Variants in CHD5 observed in about 807,000 individuals in gnomAD.
CHD5 encodes the protein chromodomain helicase DNA binding protein 5, also known as ATP-dependent chromatin remodeler CHD5.
In CHD5, 69 loss-of-function variants were observed where a neutral mutation model predicts 230.3. The observed-to-expected ratio is 0.30, with a 90% CI of 0.25 to 0.37. CHD5 has a LOEUF of 0.37. Ranked by LOEUF, CHD5 falls within the 10% of genes least tolerant of loss-of-function variation. The probability of loss-of-function intolerance (pLI) is 1.00; values close to 1 mark genes in which losing one functional copy is unlikely to be tolerated. For missense variants in CHD5, 1,827 were observed against 2,622.8 expected (o/e 0.70, Z 6.63); for synonymous variants, 1,064 against 1,065.9 (o/e 1.00, Z 0.03).
chr1:6,166,930 T>C (rs929281700), intron 2 of CHD5, among the ~76,000 whole-genome samples: 2 of 152,012 alleles, frequency 1.3e-5, no homozygotes, highest in Non-Finnish European at 2.9e-5. Context: ...CCCGAAACCC[T>C]CACAGCACGG....
At position 6,168,365 on chromosome 1, in the gene CHD5, G is replaced by A. The variant is rs1193597268; in HGVS notation, c.80-88C>T. On this transcript the variant is annotated intron_variant, in intron 1 of 41. Coordinates refer to ENST00000262450, the MANE Select transcript of CHD5 (RefSeq NM_015557.3). ...ACAGAGCCAGCCCTGGGGAAGCTGG[G>A]ACCCCCAGACACCCAACTGTGCCAG... is the stretch of plus-strand genomic sequence containing the variant. 2.1e-6 allele frequency: 3 copies of A among 1,454,142 alleles called. No individual in the cohort carries two copies. In the Admixed American group the frequency reaches 6.7e-5, roughly 32 times the overall value. 90.1% of individuals were successfully genotyped at this position (1,454,142 alleles called of 1,614,324 possible).
chr1:6,109,426 G>A lies in CHD5; in HGVS notation c.5578+369C>T, dbSNP rs1328725837. On this transcript the variant is annotated intron_variant, in intron 38 of 41. Coordinates refer to ENST00000262450, the MANE Select transcript of CHD5 (RefSeq NM_015557.3). ...GGGCAAACTACTTCCCTTCCCACAC[G>A]GGGCCAAGGAGAAGGCTCCAGGCTG... Among the ~76,000 whole-genome samples the A allele has an allele frequency of 2.0e-5, 3 of 152,304 alleles. No individual in the cohort carries two copies. The East Asian group carries it at 5.8e-4, about 29-fold the overall frequency.
At chr1:6,156,762 G>T (rs891077818) in intron 3 of CHD5, among the ~76,000 whole-genome samples, 8 of 152,006 alleles carry the variant, frequency 5.3e-5, no homozygotes, top group Non-Finnish European at 4.4e-5. Flanking sequence ...GCCCTGAGAG[G>T]ATCCAACTAC....
At position 6,154,951 on chromosome 1, in the gene CHD5, C is replaced by T. The variant is rs1262659900; in HGVS notation, c.507-53G>A. On this transcript the variant is annotated intron_variant, in intron 4 of 41. Coordinates refer to ENST00000262450, the MANE Select transcript of CHD5 (RefSeq NM_015557.3). The surrounding 1 kb of genome is among the most constrained non-coding windows in gnomAD (Gnocchi z 7.0). ...GGCAAGGCCAGGTGAGATGAGAGGC[C>T]CACCCGACCCCCGGCAGGGCCCACC... The T allele has an allele frequency of 4.6e-6, 7 of 1,508,266 alleles. No homozygotes were observed. The African/African-American group carries it at 6.9e-5, about 15-fold the overall frequency. The allele number at this position is 1,508,266 out of a possible 1,614,324, so 93.4% of individuals were successfully genotyped here.
Position 6,110,428 on chromosome 1 carries a change from T to A in CHD5, c.5348A>T (p.Glu1783Val). The A allele has an allele frequency of 6.2e-7, 1 of 1,614,054 alleles. No homozygotes were observed. The highest frequency in any genetic ancestry group is 8.5e-7 in the Non-Finnish European group (1 of 1,180,030). Residue 1783 changes from glutamate (E) to valine (V), a missense_variant, in exon 37 of 42, where the codon GAG (glutamate) becomes GTG (valine). Physicochemically the swap from Glu to Val is moderately radical, Grantham distance 121 (BLOSUM62 -2). Coordinates refer to ENST00000262450, the MANE Select transcript of CHD5 (RefSeq NM_015557.3). The part of the protein sequence containing the change: ...KSEVHKGNYL[E>V]MKNKFLARRF... ...GCGGGCCAGGAACTTGTTCTTCATC[T>A]CCAGGTAGTTGCCCTTGTGGACCTC...
rs996977321 is a variant in CHD5, at chr1:6,139,239, TG to T, written c.2437-2375del. Among the ~76,000 whole-genome samples the T allele has an allele frequency of 3.7e-4, 57 of 152,230 alleles. 1 individual carries two copies. The highest frequency in any genetic ancestry group is 1.3e-3 in the African/African-American group (56 of 41,522). ...TGTTCTGTTGTTGTTTTGTTGTTGTTGTTGTTGTTGTTTTGGTTTTTCTGAG... is the reference window on the plus strand; with the variant it reads ...TGTTCTGTTGTTGTTTTGTTGTTGTTTTGTTGTTGTTTTGGTTTTTCTGAG... On this transcript the variant is annotated intron_variant, in intron 15 of 41. Coordinates refer to ENST00000262450, the MANE Select transcript of CHD5 (RefSeq NM_015557.3).
At chr1:6,149,565 T>C (rs1468566255) in intron 7 of CHD5, among the ~76,000 whole-genome samples, 153 bp from the exon 8 acceptor site, 1 of 151,428 alleles carries the variant, frequency 6.6e-6, no homozygotes, top group Non-Finnish European at 1.5e-5. Context: ...GTTGAGGTGG[T>C]AAAAGGGTGA....
intron 37 of CHD5, 122 bp downstream of exon 37, chr1:6,110,272 T>C: frequency 8.7e-7 from 1 of 1,153,990 alleles, no homozygotes. Context: ...TGCTGCTTCG[T>C]GGCAGCGTGA....
rs111901695 is a variant in CHD5, at chr1:6,154,934, C to T, written c.507-36G>A. 5.3e-4 allele frequency: 848 copies of T among 1,590,440 alleles called. 6 individuals carry two copies. The African/African-American group carries it at 1.0e-2, about 19-fold the overall frequency. ...AGAGGCAGGAGGGTGAGGGCAAGGC[C>T]AGGTGAGATGAGAGGCCCACCCGAC... On this transcript the variant is annotated intron_variant, in intron 4 of 41. Transcript: ENST00000262450. This position sits in a 1 kb window ranked among gnomAD's most constrained non-coding sequence, Gnocchi z 7.0.
At chr1:6,170,215 TCAGA>T (rs1667315094) in intron 1 of CHD5, among the ~76,000 whole-genome samples, 1 of 152,018 alleles carries the variant, frequency 6.6e-6, no homozygotes, top group Non-Finnish European at 1.5e-5. Context: ...GCCCACACGC[TCAGA>T]CACACTCGCC....
chr1:6,151,434 A>G (rs147666833), intron 6 of CHD5, among the ~76,000 whole-genome samples: 1 of 152,302 alleles, frequency 6.6e-6, no homozygotes, highest in Non-Finnish European at 1.5e-5. Flanking sequence ...CCATCCTGCC[A>G]AACTCCTAAA....
rs1344630618 is a variant in CHD5, at chr1:6,155,846, G to C, written c.388-129C>G. 5 of 673,168 alleles carry C rather than the reference G, an allele frequency of 7.4e-6. No homozygotes were observed. Among genetic ancestry groups the C allele is most frequent in the African/African-American group, 1.8e-5 (1 of 55,442 alleles). The allele number at this position is 673,168 out of a possible 1,614,324, so 41.7% of individuals were successfully genotyped here. On this transcript the variant is annotated intron_variant, in intron 3 of 41. Transcript: ENST00000262450. The surrounding 1 kb of genome is among the most constrained non-coding windows in gnomAD (Gnocchi z 4.0). ...AGGGGTTGTGTCTGCAATGTAACCAGACCATTCTCACCCACCCTAGGAAAC... is the reference window on the plus strand; with the variant it reads ...AGGGGTTGTGTCTGCAATGTAACCACACCATTCTCACCCACCCTAGGAAAC...
intron 15 of CHD5, among the ~76,000 whole-genome samples, chr1:6,141,154 T>C (rs1023450482): frequency 3.3e-5 from 5 of 150,542 alleles, no homozygotes; most frequent in African/African-American, 7.3e-5. Context: ...CATTGCGGCA[T>C]GTGCCTGTAA....
chr1:6,172,119 C>A (rs1161526306), intron 1 of CHD5, among the ~76,000 whole-genome samples: 1 of 152,230 alleles, frequency 6.6e-6, no homozygotes, highest in Non-Finnish European at 1.5e-5. Context: ...CCTGTGGGAC[C>A]CCCAGGCTGG....
intron 3 of CHD5, 21 bp downstream of exon 3, chr1:6,159,315 C>T: frequency 6.4e-7 from 1 of 1,551,160 alleles, no homozygotes; most frequent in Non-Finnish European, 8.7e-7. Flanking sequence ...TCTGTCCCCC[C>T]AGCCAGGCCT....
chr1:6,110,657 T>A, intron 36 of CHD5, 131 bp from the exon 37 acceptor site: 1 of 882,652 alleles, frequency 1.1e-6, no homozygotes, highest in Non-Finnish European at 1.7e-6. Flanking sequence ...GGCAAGTCCT[T>A]AAGCCCAGCT....
rs571442653 is a variant in CHD5, at chr1:6,142,235, C to T, written c.2329G>A (p.Val777Met). 52 of 1,614,174 alleles carry T rather than the reference C, an allele frequency of 3.2e-5. No homozygotes were observed. The East Asian group carries it at 6.9e-4, about 21-fold the overall frequency. ...EFEMWAPDFY[V>M]VTYTGDKESR... ...TCCTTGTCCCCCGTGTAGGTGACCA[C>T]GTAGAAGTCGGGCGCCCACATCTCA... Residue 777 changes from valine (V) to methionine (M), a missense_variant, in exon 15 of 42, where the codon GTG becomes ATG. This residue lies in a region of CHD5 where 80 missense variants were observed against 96.4 expected (regional missense o/e 0.83). Transcript: ENST00000262450. The surrounding 1 kb of genome is among the most constrained non-coding windows in gnomAD (Gnocchi z 5.2).
intron 30 of CHD5, 24 bp from the exon 31 acceptor site, chr1:6,124,131 G>A (rs1666515397): frequency 6.2e-7 from 1 of 1,606,282 alleles, no homozygotes; most frequent in East Asian, 2.2e-5. Flanking sequence ...AGGGAAGGTG[G>A]AAGGGAAAGA....
At chr1:6,178,009 G>A (rs1206065449) in intron 1 of CHD5, among the ~76,000 whole-genome samples, 1 of 152,196 alleles carries the variant, frequency 6.6e-6, no homozygotes, top group Non-Finnish European at 1.5e-5. Context: ...GGGACCGGCA[G>A]GAGGGGACAG....
Sources: gnomAD v4.1 joint callset for allele counts (sites outside exome capture counted in the v4.1 genomes callset) on GRCh38, gnomAD v4.1.1 for gene constraint, gnomAD v4.1.1 regional missense constraint, Gnocchi (gnomAD v3.1) non-coding constraint, MANE v1.5 for transcripts, NCBI Gene and HGNC (gene_info 2026-07-23, HGNC 2026-07-21) for gene names.